The following RTTN variants were observed in gnomAD, a reference collection of about 807,000 sequenced individuals.
RTTN encodes rotatin.
In RTTN, 182 loss-of-function variants were observed where a neutral mutation model predicts 269.2. The observed-to-expected ratio is 0.68, with a 90% CI of 0.60 to 0.76. The LOEUF (loss-of-function observed/expected upper bound fraction) is 0.76. Among genes scored for constraint, RTTN ranks in the 30% least tolerant of loss-of-function variants. The pLI is 0.00. For missense variants in RTTN, 2,545 were observed against 2,608.6 expected (o/e 0.98, Z 0.53); for synonymous variants, 1,006 against 963.5 (o/e 1.04, Z -0.82).
chr18:70,135,424 A>C, intron 21 of RTTN, 144 bp from the exon 22 acceptor site: 1 of 541,666 alleles, frequency 1.8e-6, no homozygotes, highest in Non-Finnish European at 3.2e-6. Flanking sequence ...CTTTCATCTC[A>C]AACTTGTGGA....
chr18:70,155,069 G>A (rs2060639151), intron 14 of RTTN, among the ~76,000 whole-genome samples: 1 of 152,046 alleles, frequency 6.6e-6, no homozygotes, highest in Admixed American at 6.5e-5. Flanking sequence ...CATGTTCAAG[G>A]TCCCACCGCC....
At chr18:70,066,293 A>T (rs1432473836) in intron 34 of RTTN, among the ~76,000 whole-genome samples, 1 of 152,182 alleles carries the variant, frequency 6.6e-6, no homozygotes, top group Non-Finnish European at 1.5e-5. Context: ...GACAATAAAG[A>T]TATTTTTAAT....
chr18:70,075,918 A>G (rs1453813734), intron 32 of RTTN, among the ~76,000 whole-genome samples: 1 of 152,128 alleles, frequency 6.6e-6, no homozygotes, highest in Non-Finnish European at 1.5e-5. Flanking sequence ...AATATATGAA[A>G]TAAGGTGGTC....
chr18:70,175,677 C>T (rs998855162), intron 11 of RTTN, among the ~76,000 whole-genome samples: 3 of 151,248 alleles, frequency 2.0e-5, no homozygotes, highest in Non-Finnish European at 2.9e-5. Flanking sequence ...ATGCAACACA[C>T]CAGCAATATA....
At chr18:70,012,257 G>C (rs936025345) in intron 46 of RTTN, among the ~76,000 whole-genome samples, 4 of 150,250 alleles carry the variant, frequency 2.7e-5, no homozygotes, top group African/African-American at 9.8e-5. Flanking sequence ...CTGTTCACTG[G>C]TACTGGTTAG....
chr18:70,134,978 T>C (rs936387900), intron 22 of RTTN, among the ~76,000 whole-genome samples: 4 of 152,194 alleles, frequency 2.6e-5, no homozygotes, highest in Non-Finnish European at 5.9e-5. Flanking sequence ...TATTTAGTAA[T>C]GTTTAAAAAT....
chr18:70,178,316 ATAAAATAAGCCAAATACAAAAG>A (rs2061349811), intron 10 of RTTN, among the ~76,000 whole-genome samples: 1 of 152,214 alleles, frequency 6.6e-6, no homozygotes. Flanking sequence ...AAAACATAAA[ATAAAATAAGCCAAATACAAAAG>A]TAAAATAAGC....
intron 17 of RTTN, among the ~76,000 whole-genome samples, chr18:70,148,389 A>G (rs1475099728): frequency 6.6e-6 from 1 of 152,202 alleles, no homozygotes; most frequent in Non-Finnish European, 1.5e-5. Flanking sequence ...CAATGCTTAT[A>G]TTAATGGCAG....
chr18:70,114,199 G>A (rs1036157940), intron 27 of RTTN, among the ~76,000 whole-genome samples: 2 of 152,156 alleles, frequency 1.3e-5, no homozygotes, highest in Non-Finnish European at 2.9e-5. Context: ...TTAAACCCTA[G>A]AGAACAAAAC....
Position 70,135,175 on chromosome 18 carries a change from A to T in RTTN, c.2885+9T>A. The T allele has an allele frequency of 7.0e-7, 1 of 1,433,654 alleles. No homozygotes were observed. The highest frequency in any genetic ancestry group is 9.5e-7 in the Non-Finnish European group (1 of 1,055,978). 88.8% of individuals were successfully genotyped at this position (1,433,654 alleles called of 1,614,324 possible). ...AAGAGTAAAAAACTTATAAATTCTT[A>T]TATCTCACCACATATCCATTCTCGA... On this transcript the variant is annotated intron_variant, in intron 22 of 48. Coordinates refer to ENST00000640769, the MANE Select transcript of RTTN (RefSeq NM_173630.4).
At chr18:70,145,917 T>C in intron 17 of RTTN, 134 bp from the exon 18 acceptor site, 1 of 516,528 alleles carries the variant, frequency 1.9e-6, no homozygotes, top group South Asian at 5.4e-5. Context: ...TTACTAGTAA[T>C]AATTTACTTT....
intron 10 of RTTN, among the ~76,000 whole-genome samples, chr18:70,185,239 T>C (rs1056382107): frequency 3.9e-5 from 6 of 152,028 alleles, no homozygotes; most frequent in Non-Finnish European, 7.4e-5. Context: ...ACATATGTAA[T>C]AATTCTAAAA....
rs187927307 is a variant in RTTN, at chr18:70,114,763, T to C, written c.3529-164A>G. ...GAGATGTTCTAAATTCAAAAGATGTTTAATATATTCTCAACAAAAGAAAAA... is the reference window on the plus strand; with the variant it reads ...GAGATGTTCTAAATTCAAAAGATGTCTAATATATTCTCAACAAAAGAAAAA... On this transcript the variant is annotated intron_variant, in intron 26 of 48. Transcript: ENST00000640769. 5.5e-3 allele frequency among the ~76,000 whole-genome samples: 842 copies of C among 152,118 alleles called. 4 individuals carry two copies. The highest frequency in any genetic ancestry group is 8.5e-3 in the Non-Finnish European group (579 of 67,940).
At chr18:70,062,106 A>G (rs1239178744) in intron 35 of RTTN, among the ~76,000 whole-genome samples, 1 of 152,224 alleles carries the variant, frequency 6.6e-6, no homozygotes, top group Non-Finnish European at 1.5e-5. Context: ...CATTTTGCCA[A>G]TAGTCTGAGG....
At chr18:70,173,181 G>A (rs1315864458) in intron 11 of RTTN, among the ~76,000 whole-genome samples, 2 of 152,292 alleles carry the variant, frequency 1.3e-5, no homozygotes, top group East Asian at 3.9e-4. Context: ...AATACATTGT[G>A]TATATAAGTG....
chr18:70,047,612 G>A (rs2057527071), intron 40 of RTTN, among the ~76,000 whole-genome samples: 2 of 152,154 alleles, frequency 1.3e-5, no homozygotes, highest in South Asian at 2.1e-4. Flanking sequence ...TATTTTCAGA[G>A]ACGTAGATAT....
At chr18:70,119,517 G>C (rs1333001001) in intron 26 of RTTN, among the ~76,000 whole-genome samples, 1 of 151,850 alleles carries the variant, frequency 6.6e-6, no homozygotes, top group African/African-American at 2.4e-5. Context: ...GGACAGGAAA[G>C]AAGAAATGAA....
chr18:70,056,584 C>T (rs1209149323), intron 37 of RTTN, among the ~76,000 whole-genome samples: 1 of 152,192 alleles, frequency 6.6e-6, no homozygotes, highest in Non-Finnish European at 1.5e-5. Context: ...AAGGTCCTGA[C>T]TTCATGGAGC....
chr18:70,203,307 A>T (rs2061998958), intron 3 of RTTN, among the ~76,000 whole-genome samples: 1 of 151,468 alleles, frequency 6.6e-6, no homozygotes, highest in African/African-American at 2.4e-5. Context: ...GGTTCAAGTG[A>T]TTCTCCTGCC....
Sources: allele counts gnomAD v4.1 joint callset (sites outside exome capture counted in the v4.1 genomes callset), GRCh38; gene constraint gnomAD v4.1.1; transcripts MANE v1.5; gene names NCBI Gene and HGNC (gene_info 2026-07-23, HGNC 2026-07-21).